The following GRID1 variants were observed in gnomAD, a reference collection of about 807,000 sequenced individuals.
GRID1 encodes the protein glutamate receptor ionotropic, delta-1.
GRID1 carries 28 observed loss-of-function variants against 98.0 expected under a neutral mutation model. The observed-to-expected ratio is 0.29, with a 90% CI of 0.21 to 0.39. The LOEUF (loss-of-function observed/expected upper bound fraction) is 0.39. GRID1 is among the 10% of genes least tolerant of loss of function. The pLI is 1.00. For synonymous variants in GRID1, 553 were observed against 538.5 expected, an observed-to-expected ratio of 1.03 and a Z score of -0.37; for missense variants, 1,111 against 1,340.5, an observed-to-expected ratio of 0.83 and a Z score of 2.67.
At chr10:85,676,434 C>A (rs1158551468) in intron 12 of GRID1, among the ~76,000 whole-genome samples, 1 of 152,206 alleles carries the variant, frequency 6.6e-6, no homozygotes, top group South Asian at 2.1e-4. Context: ...ATACCATATT[C>A]TTGCTTAGCA....
chr10:85,919,492 A>G (rs1841670571), intron 4 of GRID1, among the ~76,000 whole-genome samples: 1 of 152,180 alleles, frequency 6.6e-6, no homozygotes, highest in Admixed American at 6.5e-5. Flanking sequence ...TAGCAGGAAC[A>G]CTGCCTGCCT....
intron 4 of GRID1, among the ~76,000 whole-genome samples, chr10:86,056,400 C>A (rs1285553722): frequency 6.6e-6 from 1 of 152,160 alleles, no homozygotes; most frequent in Non-Finnish European, 1.5e-5. Context: ...TCTGCTTTTC[C>A]AGGTGTAATA....
intron 12 of GRID1, among the ~76,000 whole-genome samples, chr10:85,713,955 A>G (rs764169196): frequency 5.9e-5 from 9 of 151,934 alleles, no homozygotes; most frequent in South Asian, 2.1e-4. Flanking sequence ...AAGGGTGCCC[A>G]CTCTCACCAT....
At chr10:86,213,950 A>G (rs1846141580) in intron 2 of GRID1, among the ~76,000 whole-genome samples, 1 of 151,996 alleles carries the variant, frequency 6.6e-6, no homozygotes, top group African/African-American at 2.4e-5. Context: ...TGAATGCTTT[A>G]TCTCCCAAAT....
At chr10:86,344,008 G>A (rs754057454) in intron 2 of GRID1, among the ~76,000 whole-genome samples, 16 of 152,260 alleles carry the variant, frequency 1.1e-4, no homozygotes, top group Non-Finnish European at 1.8e-4. Context: ...AAGGGCCACC[G>A]TTCATTGGCT....
At chr10:86,210,680 G>C (rs1462513644) in intron 2 of GRID1, among the ~76,000 whole-genome samples, 1 of 152,234 alleles carries the variant, frequency 6.6e-6, no homozygotes, top group African/African-American at 2.4e-5. Context: ...CCACAAAAAG[G>C]GTGGGTAATT....
chr10:86,277,370 T>C (rs1481573480), intron 2 of GRID1, among the ~76,000 whole-genome samples: 2 of 152,180 alleles, frequency 1.3e-5, no homozygotes, highest in Non-Finnish European at 2.9e-5. Flanking sequence ...CACTACACAT[T>C]AACTCAAAGC....
intron 8 of GRID1, among the ~76,000 whole-genome samples, chr10:85,762,394 T>G (rs1276635657): frequency 6.6e-6 from 1 of 152,244 alleles, no homozygotes; most frequent in Non-Finnish European, 1.5e-5. Context: ...ATGAACATTT[T>G]AATATATTCT....
intron 4 of GRID1, among the ~76,000 whole-genome samples, chr10:86,115,962 G>A (rs547465013): frequency 7.2e-5 from 11 of 152,264 alleles, no homozygotes; most frequent in South Asian, 6.2e-4. Context: ...AAATACCACC[G>A]TGTTACTATT....
At chr10:86,095,691 TA>T (rs952141273) in intron 4 of GRID1, among the ~76,000 whole-genome samples, 3 of 151,850 alleles carry the variant, frequency 2.0e-5, no homozygotes, top group African/African-American at 4.9e-5. Context: ...ATGGTCATAA[TA>T]AAAAAAAATT....
At chr10:85,828,703 C>T (rs752432315) in intron 8 of GRID1, among the ~76,000 whole-genome samples, 1 of 151,714 alleles carries the variant, frequency 6.6e-6, no homozygotes. Context: ...ACTAGAAAAC[C>T]TAGAAAAAAA....
chr10:85,720,414 T>A (rs991519228), intron 12 of GRID1, among the ~76,000 whole-genome samples: 1 of 152,080 alleles, frequency 6.6e-6, no homozygotes, highest in Admixed American at 6.5e-5. Context: ...CACTCTACCC[T>A]ATAGTAAGGC....
intron 8 of GRID1, among the ~76,000 whole-genome samples, chr10:85,750,549 T>C (rs138713311): frequency 1.4e-3 from 219 of 152,328 alleles, no homozygotes; most frequent in African/African-American, 5.0e-3. Flanking sequence ...CAAGTTGTCA[T>C]GTTATGCTAT....
chr10:85,960,262 T>C (rs1469774007), intron 4 of GRID1, among the ~76,000 whole-genome samples: 1 of 152,216 alleles, frequency 6.6e-6, no homozygotes, highest in Non-Finnish European at 1.5e-5. Flanking sequence ...TGCTTAGCTT[T>C]CTAAGAAACA....
At chr10:86,126,409 C>T (rs904593112) in intron 4 of GRID1, among the ~76,000 whole-genome samples, 4 of 152,148 alleles carry the variant, frequency 2.6e-5, no homozygotes, top group African/African-American at 7.2e-5. Context: ...GAGCTGAGAT[C>T]GTGCCTCTGC....
intron 8 of GRID1, among the ~76,000 whole-genome samples, chr10:85,824,982 C>T (rs1842806252): frequency 1.3e-5 from 2 of 152,138 alleles, no homozygotes; most frequent in African/African-American, 2.4e-5. Flanking sequence ...CATATCTTTG[C>T]AAATTGTGTT....
intron 4 of GRID1, among the ~76,000 whole-genome samples, chr10:86,081,806 A>G (rs545648559): frequency 5.3e-5 from 8 of 152,378 alleles, no homozygotes; most frequent in African/African-American, 1.9e-4. Context: ...ATGACATTCT[A>G]GAAAAGGCAA....
At chr10:86,262,379 G>A (rs1847029265) in intron 2 of GRID1, among the ~76,000 whole-genome samples, 1 of 152,170 alleles carries the variant, frequency 6.6e-6, no homozygotes. Context: ...ACCCAGGAAG[G>A]GAGGCTTTAT....
chr10:85,851,032 T>A (rs564027442), intron 8 of GRID1, among the ~76,000 whole-genome samples: 1 of 152,156 alleles, frequency 6.6e-6, no homozygotes. Flanking sequence ...CCCTGACAGA[T>A]CTGTCAGAGC....
Sources: allele counts gnomAD v4.1 joint callset (sites outside exome capture counted in the v4.1 genomes callset), GRCh38; gene constraint gnomAD v4.1.1; transcripts MANE v1.5; gene names NCBI Gene and HGNC (gene_info 2026-07-23, HGNC 2026-07-21).